Variants in RNF122 observed in about 807,000 individuals in gnomAD.
RNF122 encodes ring finger protein 122.
In RNF122, 17 loss-of-function variants were observed where a neutral mutation model predicts 24.2. The observed-to-expected ratio is 0.70, with a 90% CI of 0.48 to 1.06. The LOEUF (loss-of-function observed/expected upper bound fraction) is 1.06, where lower values mean the gene tolerates loss of function less well. Among genes scored for constraint, RNF122 ranks in the 50% least tolerant of loss-of-function variants. The pLI is 0.00. For synonymous variants in RNF122, 65 were observed against 71.8 expected (o/e 0.91, Z 0.48); for missense variants, 168 against 198.1 (o/e 0.85, Z 0.91).
At chr8:33,561,562 A>T (rs1810540975) in intron 1 of RNF122, among the ~76,000 whole-genome samples, 1 of 149,416 alleles carries the variant, frequency 6.7e-6, no homozygotes, top group Non-Finnish European at 1.5e-5. Flanking sequence ...ATTTTTTTTT[A>T]GACAGTCTTG....
intron 1 of RNF122, among the ~76,000 whole-genome samples, chr8:33,559,889 T>A (rs1433483680): frequency 2.0e-5 from 3 of 149,834 alleles, no homozygotes; most frequent in African/African-American, 7.4e-5. Context: ...TCACCCAGGC[T>A]GGAGGGCAGT....
At chr8:33,560,150 C>T (rs771041918) in intron 1 of RNF122, among the ~76,000 whole-genome samples, 31 of 151,938 alleles carry the variant, frequency 2.0e-4, no homozygotes, top group Non-Finnish European at 3.7e-4. Flanking sequence ...CCAGGACCTA[C>T]GTTTTAACAA....
At chr8:33,553,790 C>T (rs1585357721) in intron 2 of RNF122, among the ~76,000 whole-genome samples, 1 of 152,274 alleles carries the variant, frequency 6.6e-6, no homozygotes, top group East Asian at 1.9e-4. Flanking sequence ...ATCAGGCTGC[C>T]AGCCTCCTCC....
intron 2 of RNF122, 118 bp from the exon 3 acceptor site, chr8:33,551,507 C>T: frequency 1.1e-6 from 1 of 945,878 alleles, no homozygotes; most frequent in South Asian, 1.3e-5. Context: ...TTGTCCCATA[C>T]ACACCACAGG....
rs748826742 is a variant in RNF122, at chr8:33,548,812, T to C, written c.409A>G (p.Ile137Val). 2 of 1,613,870 alleles carry C rather than the reference T, an allele frequency of 1.2e-6. No individual in the cohort carries two copies. Among genetic ancestry groups the C allele is most frequent in the Non-Finnish European group, 1.7e-6 (2 of 1,179,990 alleles). The change falls in exon 6 of 6, where the codon ATT (isoleucine) becomes GTT (valine). Residue 137 changes from isoleucine to valine, a missense_variant. Ile to Val is a conservative substitution (Grantham distance 29). Coordinates refer to ENST00000256257, the MANE Select transcript of RNF122 (RefSeq NM_024787.3). The stretch of plus-strand genomic sequence containing the variant: ...TGCGTGGCCTCTGAGGGACTAGCAA[T>C]GGGCTTGTTACACATGGGGCAGACA... The part of the protein sequence containing the change: ...RCVCPMCNKP[I>V]ASPSEATQNI...
At position 33,550,582 on chromosome 8, in the gene RNF122, G is replaced by A. The variant is rs1810360219; in HGVS notation, c.270+462C>T. On this transcript the variant is annotated intron_variant, in intron 4 of 5. Coordinates refer to ENST00000256257, the MANE Select transcript of RNF122 (RefSeq NM_024787.3). Reference sequence around the variant, plus strand: ...AGGAACTGGTGTATGGGTGGGAGTGGGGTGGGAGAGAAATGGCAGAGCCAC... The same window carrying A: ...AGGAACTGGTGTATGGGTGGGAGTGAGGTGGGAGAGAAATGGCAGAGCCAC... Among the ~76,000 whole-genome samples the A allele has an allele frequency of 2.6e-5, 4 of 152,120 alleles. No individual in the cohort carries two copies. The South Asian group carries it at 8.3e-4, about 32-fold the overall frequency.
intron 2 of RNF122, among the ~76,000 whole-genome samples, chr8:33,554,877 A>AG (rs1563368941): frequency 1.3e-5 from 2 of 152,136 alleles, no homozygotes. Context: ...AGAATGAGCG[A>AG]GGGGCTGGCC....
chr8:33,554,343 T>C (rs908159181), intron 2 of RNF122, among the ~76,000 whole-genome samples: 11 of 152,224 alleles, frequency 7.2e-5, no homozygotes, highest in Admixed American at 2.6e-4. Flanking sequence ...GCAATGTGGC[T>C]ATACTTATGT....
At chr8:33,550,186 G>A (rs752985003) in intron 4 of RNF122, among the ~76,000 whole-genome samples, 1 of 152,136 alleles carries the variant, frequency 6.6e-6, no homozygotes, top group Non-Finnish European at 1.5e-5. Flanking sequence ...ACCCACCTCG[G>A]CCTCCCAAAG....
chr8:33,559,795 A>T, intron 1 of RNF122, among the ~76,000 whole-genome samples: 1 of 148,946 alleles, frequency 6.7e-6, no homozygotes, highest in African/African-American at 2.5e-5. Context: ...TTAGAAACAT[A>T]TACTCTCGGG....
chr8:33,558,258 C>T (rs765225105), intron 2 of RNF122, among the ~76,000 whole-genome samples: 5 of 152,078 alleles, frequency 3.3e-5, no homozygotes, highest in East Asian at 1.9e-4. Context: ...CACCTGTTCC[C>T]GACCACCCAA....
chr8:33,560,676 C>T (rs1810527956), intron 1 of RNF122, among the ~76,000 whole-genome samples: 1 of 152,030 alleles, frequency 6.6e-6, no homozygotes, highest in Non-Finnish European at 1.5e-5. Context: ...GTGTCTCACG[C>T]CTGTAATCCC....
At chr8:33,565,687 G>T (rs1810611703) in intron 1 of RNF122, among the ~76,000 whole-genome samples, 1 of 152,220 alleles carries the variant, frequency 6.6e-6, no homozygotes, top group Non-Finnish European at 1.5e-5. Flanking sequence ...CAGGCCTGGG[G>T]AGAAATGGGG....
chr8:33,562,471 G>T (rs111501983), intron 1 of RNF122, among the ~76,000 whole-genome samples: 1 of 151,126 alleles, frequency 6.6e-6, no homozygotes, highest in African/African-American at 2.4e-5. Flanking sequence ...GAGTCTGAGA[G>T]GTCGAGGCTG....
intron 3 of RNF122, 92 bp from the exon 4 acceptor site, chr8:33,551,177 T>G (rs1585356249): frequency 1.3e-6 from 2 of 1,520,724 alleles, no homozygotes; most frequent in East Asian, 4.5e-5. Flanking sequence ...TCCCCTGGAC[T>G]GCCTGGGGCA....
At chr8:33,556,901 G>A (rs1399327224) in intron 2 of RNF122, among the ~76,000 whole-genome samples, 1 of 152,204 alleles carries the variant, frequency 6.6e-6, no homozygotes, top group Admixed American at 6.5e-5. Flanking sequence ...AGATGTGCCT[G>A]AGGGCACTTC....
At chr8:33,551,594 A>G (rs2128838468) in intron 2 of RNF122, among the ~76,000 whole-genome samples, 1 of 152,218 alleles carries the variant, frequency 6.6e-6, no homozygotes, top group Non-Finnish European at 1.5e-5. Flanking sequence ...CAGCCTCAAA[A>G]TTCACCACCA....
Position 33,566,753 on chromosome 8 carries a change from G to T in RNF122, c.-30C>A. The T allele has an allele frequency of 1.3e-6, 2 of 1,599,098 alleles. No individual in the cohort carries two copies. The highest frequency in any genetic ancestry group is 1.3e-5 in the African/African-American group (1 of 74,880). Reference sequence around the variant, plus strand: ...GAAGTCGCGGTTGGCTTCCTCGGGCGAACGGACGCAGGCGGGGTGCCAGGA... The same window carrying T: ...GAAGTCGCGGTTGGCTTCCTCGGGCTAACGGACGCAGGCGGGGTGCCAGGA... On this transcript the variant is annotated 5_prime_UTR_variant, in exon 1 of 6. Transcript: ENST00000256257.
In RNF122 at chr8:33,566,428, G is replaced by A. The variant is rs537857827; in HGVS notation, c.25+271C>T. On this transcript the variant is annotated intron_variant, in intron 1 of 5. Transcript: ENST00000256257. ...GGGAAGGGGGTAGAAGAGCCGGGCC[G>A]CCACACAAAGGCCGGGAACCCCTCG... Among the ~76,000 whole-genome samples, 253 of 152,348 alleles carry A rather than the reference G, an allele frequency of 1.7e-3. 1 individual carries two copies. Among genetic ancestry groups the A allele is most frequent in the African/African-American group, 5.7e-3 (238 of 41,594 alleles).
Sources: allele counts gnomAD v4.1 joint callset (sites outside exome capture counted in the v4.1 genomes callset), GRCh38; gene constraint gnomAD v4.1.1; transcripts MANE v1.5; gene names NCBI Gene and HGNC (gene_info 2026-07-23, HGNC 2026-07-21).